Variants in VPS13D observed in about 807,000 individuals in gnomAD.
VPS13D encodes intermembrane lipid transfer protein VPS13D.
VPS13D carries 187 observed loss-of-function variants against 461.9 expected under a neutral mutation model. The observed-to-expected ratio is 0.40, with a 90% CI of 0.36 to 0.46. The LOEUF is 0.46. Among genes scored for constraint, VPS13D ranks in the 20% least tolerant of loss-of-function variants. The pLI, the probability that VPS13D is intolerant of heterozygous loss-of-function variation, is 0.60. For synonymous variants in VPS13D, 1,951 were observed against 1,986.3 expected, an observed-to-expected ratio of 0.98 and a Z score of 0.47; for missense variants, 4,711 against 5,364.9, an observed-to-expected ratio of 0.88 and a Z score of 3.81.
At chr1:12,462,397 C>G (rs909724694) in intron 67 of VPS13D, among the ~76,000 whole-genome samples, 2 of 152,210 alleles carry the variant, frequency 1.3e-5, no homozygotes, top group Admixed American at 1.3e-4. Flanking sequence ...AAGGGAACTA[C>G]TGTGTGTGCA....
At chr1:12,389,379 C>T (rs1449192673) in intron 60 of VPS13D, among the ~76,000 whole-genome samples, 6 of 152,060 alleles carry the variant, frequency 3.9e-5, no homozygotes, top group South Asian at 2.1e-4. Context: ...TGTCAACTGC[C>T]GAGATTATAA....
rs566855956 is a variant in VPS13D, at chr1:12,344,073, C to G, written c.8885+1022C>G. Reference sequence around the variant, plus strand: ...GAATGAATGTGAGAAAATGTTCTATCTGATTACTGAGAGATCATAAAATAT... The same window carrying G: ...GAATGAATGTGAGAAAATGTTCTATGTGATTACTGAGAGATCATAAAATAT... On this transcript the variant is annotated intron_variant, in intron 42 of 69. Transcript: ENST00000620676. Among the ~76,000 whole-genome samples the G allele has an allele frequency of 2.0e-5, 3 of 152,288 alleles. No homozygotes were observed. The South Asian group carries it at 6.2e-4, about 32-fold the overall frequency.
chr1:12,322,268 G>T (rs762315738), intron 33 of VPS13D, among the ~76,000 whole-genome samples: 1 of 152,148 alleles, frequency 6.6e-6, no homozygotes, highest in South Asian at 2.1e-4. Flanking sequence ...GGGTTTTACC[G>T]TGTTAGCCAG....
chr1:12,314,465 T>C (rs1243764690), intron 30 of VPS13D, 138 bp downstream of exon 30: 25 of 780,490 alleles, frequency 3.2e-5, no homozygotes, highest in Non-Finnish European at 4.9e-5. Flanking sequence ...CAGTGCAGTG[T>C]ACTGTATATT....
At position 12,308,513 on chromosome 1, in the gene VPS13D, A is replaced by G; in HGVS notation, c.6522A>G (p.Glu2174=). ...DIFAAERHPR[E]YSKAPEDSSG... ...TTGCTGCAGAGAGACATCCGAGAGA[A>G]TACTCGAAGGCACCAGAGGATAGTA... Residue 2174 remains glutamate, a synonymous_variant, in exon 27 of 70, where the codon GAA becomes GAG. Coordinates refer to ENST00000620676, the MANE Select transcript of VPS13D (RefSeq NM_015378.4). 12 of 1,614,142 alleles carry G rather than the reference A, an allele frequency of 7.4e-6. No homozygotes were observed. The highest frequency in any genetic ancestry group is 1.0e-5 in the Non-Finnish European group (12 of 1,180,040).
Position 12,403,781 on chromosome 1 carries a change from C to T in VPS13D, c.11882-44C>T. On this transcript the variant is annotated intron_variant, in intron 62 of 69. Transcript: ENST00000620676. Reference sequence around the variant, plus strand: ...AAAGTGGATTCTGTGGATCATGAGACTAAGAAATTCTTTTTTGTTTTTTTA... The same window carrying T: ...AAAGTGGATTCTGTGGATCATGAGATTAAGAAATTCTTTTTTGTTTTTTTA... 3 of 1,525,390 alleles carry T rather than the reference C, an allele frequency of 2.0e-6. No individual in the cohort carries two copies. The East Asian group carries it at 7.0e-5, about 36-fold the overall frequency. The allele number at this position is 1,525,390 out of a possible 1,614,324, so 94.5% of individuals were successfully genotyped here.
At chr1:12,436,845 T>G (rs1557438236) in intron 65 of VPS13D, among the ~76,000 whole-genome samples, 1 of 152,116 alleles carries the variant, frequency 6.6e-6, no homozygotes, top group Non-Finnish European at 1.5e-5. Context: ...ATTTTGTATT[T>G]TTAGTAGAGA....
rs781362489 is a variant in VPS13D at position 12,341,885 on chromosome 1, G to A, written c.8732G>A (p.Arg2911Lys). 1 of 1,613,744 alleles carries A rather than the reference G, an allele frequency of 6.2e-7. No individual in the cohort carries two copies. The highest frequency in any genetic ancestry group is 8.5e-7 in the Non-Finnish European group (1 of 1,179,852). ...WFATLTTTPT[R>K]AALSHSGSPG... is the part of the protein sequence containing the mutation. ...GCCACCCTGACCACCACACCCACCA[G>A]GTAAGCAGTCAGTTTATATTACCCC... Residue 2911 changes from arginine (R) to lysine (K), a missense_variant and splice_region_variant, in exon 41 of 70, where the codon AGA (arginine) becomes AAA (lysine). Arg to Lys is a conservative substitution (Grantham distance 26). Around this residue, in one of 3 missense-constraint regions of VPS13D, gnomAD observed 4,411 missense variants for 4,937.8 expected, o/e 0.89. Transcript: ENST00000620676.
intron 60 of VPS13D, among the ~76,000 whole-genome samples, chr1:12,395,438 G>A (rs977874100): frequency 6.6e-6 from 1 of 152,088 alleles, no homozygotes. Flanking sequence ...ATCTTTCGGC[G>A]TGCATCTTTC....
At chr1:12,260,305 G>A (rs1293158927) in intron 10 of VPS13D, among the ~76,000 whole-genome samples, 1 of 152,102 alleles carries the variant, frequency 6.6e-6, no homozygotes, top group East Asian at 1.9e-4. Context: ...GATTACAGGC[G>A]TGAGCCACCG....
chr1:12,323,894 C>T lies in VPS13D; in HGVS notation c.7990+114C>T, dbSNP rs974128499. ...GAGAGCTGAGTGTGTTTGGAGGACG[C>T]TTTATGTGTCTTCTCTGGACTGCAT... On this transcript the variant is annotated intron_variant, in intron 35 of 69. Transcript: ENST00000620676. 6 of 1,013,718 alleles carry T rather than the reference C, an allele frequency of 5.9e-6. No individual in the cohort carries two copies. In the Admixed American group the frequency reaches 7.6e-5, roughly 13 times the overall value. 62.8% of individuals were successfully genotyped at this position (1,013,718 alleles called of 1,614,324 possible).
intron 63 of VPS13D, among the ~76,000 whole-genome samples, chr1:12,413,219 C>A (rs2100220500): frequency 6.6e-6 from 1 of 151,706 alleles, no homozygotes; most frequent in East Asian, 1.9e-4. Flanking sequence ...TTTTAAGTGA[C>A]AGGGTCAGCC....
chr1:12,231,944 G>C (rs192929646), intron 1 of VPS13D, among the ~76,000 whole-genome samples: 165 of 152,184 alleles, frequency 1.1e-3, no homozygotes, highest in African/African-American at 3.6e-3. Context: ...GCCGAGATCC[G>C]AGATCCCGTC....
rs781577321 is a variant in VPS13D at position 12,242,535 on chromosome 1, G to A, written c.120G>A (p.Leu40=). ...TAGGTGCTGTTGAATTAGAAAACTT[G>A]CCATTAAAGAAAGATGCCTTGAAAG... ...LLKGAVELEN[L]PLKKDALKEL... The change falls in exon 3 of 70, where the codon TTG becomes TTA. Residue 40 remains leucine (L), a synonymous_variant. Coordinates refer to ENST00000620676, the MANE Select transcript of VPS13D (RefSeq NM_015378.4). The A allele has an allele frequency of 2.5e-6, 4 of 1,614,076 alleles. No homozygotes were observed. The highest frequency in any genetic ancestry group is 3.4e-6 in the Non-Finnish European group (4 of 1,179,992).
intron 29 of VPS13D, among the ~76,000 whole-genome samples, chr1:12,312,627 G>T (rs193068982): frequency 1.4e-4 from 21 of 152,200 alleles, no homozygotes; most frequent in African/African-American, 5.1e-4. Context: ...GCGCATGGTG[G>T]TGCATGCCTG....
At position 12,279,588 on chromosome 1, in the gene VPS13D, C is replaced by T. The variant is rs1210600455; in HGVS notation, c.4540C>T (p.Pro1514Ser). 3.1e-6 allele frequency: 5 copies of T among 1,613,066 alleles called. No individual in the cohort carries two copies. Among genetic ancestry groups the T allele is most frequent in the South Asian group, 1.1e-5 (1 of 90,948 alleles). Residue 1514 changes from proline to serine, a missense_variant, in exon 20 of 70, where the codon CCA becomes TCA. Pro to Ser is a moderately conservative substitution (Grantham distance 74). Transcript: ENST00000620676. The surrounding 1 kb of genome is among the most constrained non-coding windows in gnomAD (Gnocchi z 4.3). ...RESELTFSLS[P>S]DDLGTSSIMK... ...ATCTGAATTGACTTTTTCTCTTAGC[C>T]CAGATGACCTGGGAACTTCTAGCAT...
intron 67 of VPS13D, among the ~76,000 whole-genome samples, chr1:12,490,648 C>G (rs1466879659): frequency 1.3e-5 from 2 of 151,568 alleles, no homozygotes; most frequent in South Asian, 2.1e-4. Flanking sequence ...AGCTACAGAT[C>G]TGAGATAGAT....
chr1:12,432,262 G>A (rs1259553098), intron 65 of VPS13D, among the ~76,000 whole-genome samples: 1 of 152,050 alleles, frequency 6.6e-6, no homozygotes, highest in Non-Finnish European at 1.5e-5. Flanking sequence ...GCATGGTGGT[G>A]CATGCCTGTA....
Position 12,276,922 on chromosome 1 carries a change from A to G in VPS13D, c.3334A>G (p.Ile1112Val). 1 of 1,614,196 alleles carries G rather than the reference A, an allele frequency of 6.2e-7. No homozygotes were observed. The change falls in exon 19 of 70, where the codon ATT becomes GTT. Residue 1112 changes from isoleucine to valine, a missense_variant. Physicochemically the swap from Ile to Val is conservative, Grantham distance 29. This residue lies in a region of VPS13D where 4,411 missense variants were observed against 4,937.8 expected (regional missense o/e 0.89). Transcript: ENST00000620676. The surrounding 1 kb of genome is among the most constrained non-coding windows in gnomAD (Gnocchi z 4.5). Reference sequence around the variant, plus strand: ...TTCCCTACAGGTGAATAATTTAGATATTATCCTCAATCCAGAGACGATTGT... The same window carrying G: ...TTCCCTACAGGTGAATAATTTAGATGTTATCCTCAATCCAGAGACGATTGT... The part of the protein sequence containing the change: ...VISLQVNNLD[I>V]ILNPETIVEL...
Sources: gnomAD v4.1 joint callset for allele counts (sites outside exome capture counted in the v4.1 genomes callset) on GRCh38, gnomAD v4.1.1 for gene constraint, gnomAD v4.1.1 regional missense constraint, Gnocchi (gnomAD v3.1) non-coding constraint, MANE v1.5 for transcripts, NCBI Gene and HGNC (gene_info 2026-07-23, HGNC 2026-07-21) for gene names.